EXD3: variants seen among roughly 807,000 people sequenced by gnomAD.
EXD3 encodes the protein exonuclease 3'-5' domain containing 3.
EXD3 carries 92 observed loss-of-function variants against 98.0 expected under a neutral mutation model. That is an observed-to-expected ratio of 0.94 (90% confidence interval 0.79 to 1.12). The LOEUF is 1.12. Ranked by LOEUF, EXD3 falls within the 50% of genes most tolerant of loss-of-function variation. EXD3 has a pLI of 0.00. For synonymous variants in EXD3, 569 were observed against 526.0 expected, an observed-to-expected ratio of 1.08 and a Z score of -1.12; for missense variants, 1,222 against 1,191.6, an observed-to-expected ratio of 1.03 and a Z score of -0.38.
chr9:137,394,859 A>C (rs1216642914), intron 2 of EXD3, among the ~76,000 whole-genome samples: 1 of 152,048 alleles, frequency 6.6e-6, no homozygotes, highest in Admixed American at 6.5e-5. Context: ...CCTGGAGGCC[A>C]CCCTGGAACC....
intron 17 of EXD3, among the ~76,000 whole-genome samples, chr9:137,326,290 G>A (rs997377252): frequency 4.6e-5 from 7 of 152,164 alleles, no homozygotes; most frequent in African/African-American, 9.7e-5. Context: ...TGCAAATCAC[G>A]TATCTGACGA....
At chr9:137,307,771 A>T in intron 20 of EXD3, 125 bp from the exon 21 acceptor site, 1 of 1,048,230 alleles carries the variant, frequency 9.5e-7, no homozygotes, top group South Asian at 1.5e-5. Flanking sequence ...CTCTTCACAC[A>T]CCCCCCAGCC....
chr9:137,353,609 G>A (rs746508859), intron 10 of EXD3: 31 of 985,926 alleles, frequency 3.1e-5, no homozygotes, highest in African/African-American at 3.5e-5. Flanking sequence ...CGCAGCCACC[G>A]TGGCAGCGCC....
At chr9:137,308,747 C>T (rs1465699647) in intron 20 of EXD3, among the ~76,000 whole-genome samples, 1 of 151,718 alleles carries the variant, frequency 6.6e-6, no homozygotes, top group Non-Finnish European at 1.5e-5. Flanking sequence ...AGTGATTCTC[C>T]TGCCTCAGCC....
At position 137,371,005 on chromosome 9, in the gene EXD3, C is replaced by T. The variant is rs9696899; in HGVS notation, c.462+1900G>A. Among the ~76,000 whole-genome samples, 8 of 152,186 alleles carry T rather than the reference C, an allele frequency of 5.3e-5. No homozygotes were observed. The highest frequency in any genetic ancestry group is 4.6e-4 in the Admixed American group (7 of 15,290). Reference sequence around the variant, plus strand: ...GAATGCGGCCTCTTTCGGCCGGGCGCGGCGGTGAGCAGTGGAGCATGCATC... The same window carrying T: ...GAATGCGGCCTCTTTCGGCCGGGCGTGGCGGTGAGCAGTGGAGCATGCATC... On this transcript the variant is annotated intron_variant, in intron 5 of 21. Transcript: ENST00000340951. This position sits in a 1 kb window ranked among gnomAD's most constrained non-coding sequence, Gnocchi z 8.0.
intron 7 of EXD3, chr9:137,366,251 G>A (rs554740711): frequency 2.3e-5 from 16 of 707,536 alleles, no homozygotes; most frequent in Admixed American, 8.0e-5. Context: ...AATTATTTTC[G>A]TTCTTCTAAG....
chr9:137,324,016 TG>T lies in EXD3; in HGVS notation c.2052+73del. 1.3e-6 allele frequency: 2 copies of T among 1,537,700 alleles called. No homozygotes were observed. The highest frequency in any genetic ancestry group is 1.8e-6 in the Non-Finnish European group (2 of 1,136,230). On this transcript the variant is annotated intron_variant, in intron 18 of 21. Transcript: ENST00000340951. The surrounding 1 kb of genome is among the most constrained non-coding windows in gnomAD (Gnocchi z 4.1). ...GCCCCACGGCAAGCTGACCCTGAGG[TG>T]GGGGTGGCCGAGGGGCTGGGGGCTT... is the stretch of plus-strand genomic sequence containing the variant.
rs547955776 is a variant in EXD3 at position 137,347,431 on chromosome 9, G to A, written c.1998+640C>T. On this transcript the variant is annotated intron_variant, in intron 17 of 21. Transcript: ENST00000340951. The surrounding 1 kb of genome is among the most constrained non-coding windows in gnomAD (Gnocchi z 4.2). The stretch of plus-strand genomic sequence containing the variant: ...TGCTTTGAATCTCTCTGTCTTCTGT[G>A]TTCCATTCCTGCTTTTTTTCTTTTT... Among the ~76,000 whole-genome samples the A allele has an allele frequency of 6.6e-6, 1 of 151,692 alleles. No individual in the cohort carries two copies. The highest frequency in any genetic ancestry group is 2.4e-5 in the African/African-American group (1 of 41,268).
chr9:137,385,143 T>C lies in EXD3; in HGVS notation c.56-1766A>G, dbSNP rs1035329585. Among the ~76,000 whole-genome samples the C allele has an allele frequency of 6.6e-6, 1 of 152,218 alleles. No individual in the cohort carries two copies. Among genetic ancestry groups the C allele is most frequent in the African/African-American group, 2.4e-5 (1 of 41,472 alleles). On this transcript the variant is annotated intron_variant, in intron 2 of 21. Coordinates refer to ENST00000340951, the MANE Select transcript of EXD3 (RefSeq NM_017820.5). This position sits in a 1 kb window ranked among gnomAD's most constrained non-coding sequence, Gnocchi z 4.4. Reference sequence around the variant, plus strand: ...ACCGTGGGGCGCCCAGGCTCCACCATGGCGTCTCTGCAGCCACCTGGGCCT... The same window carrying C: ...ACCGTGGGGCGCCCAGGCTCCACCACGGCGTCTCTGCAGCCACCTGGGCCT...
At chr9:137,337,835 T>C (rs1833441827) in intron 17 of EXD3, among the ~76,000 whole-genome samples, 1 of 151,236 alleles carries the variant, frequency 6.6e-6, no homozygotes, top group Admixed American at 6.6e-5. Flanking sequence ...TTGCCCAGGC[T>C]GGAGTGCAGT....
chr9:137,355,520 A>AGGAGGAAGGAGGAAG (rs1834637977), intron 8 of EXD3, among the ~76,000 whole-genome samples: 2 of 37,702 alleles, frequency 5.3e-5, no homozygotes, highest in Non-Finnish European at 9.9e-5. Context: ...GGAAGGAGGA[A>AGGAGGAAGGAGGAAG]GGAGGATGGA....
intron 17 of EXD3, among the ~76,000 whole-genome samples, chr9:137,337,391 A>G (rs938150976): frequency 2.0e-5 from 3 of 152,130 alleles, no homozygotes; most frequent in East Asian, 1.9e-4. Context: ...GGTGGCTCAC[A>G]CCTATAATCC....
Position 137,329,658 on chromosome 9 carries a change from T to C in EXD3, c.1999-5515A>G, listed in dbSNP as rs374951307. On this transcript the variant is annotated intron_variant, in intron 17 of 21. Transcript: ENST00000340951. ...GGGACTACACGGGACTACACGGGGC[T>C]ACACGGGACTACACGGGACTACACG... Among the ~76,000 whole-genome samples the C allele has an allele frequency of 8.9e-5, 4 of 44,906 alleles. 1 individual carries two copies. Among genetic ancestry groups the C allele is most frequent in the African/African-American group, 3.2e-4 (3 of 9,412 alleles). 29.5% of individuals were successfully genotyped at this position (44,906 alleles called of 152,430 possible).
At chr9:137,326,003 C>T (rs1017898061) in intron 17 of EXD3, among the ~76,000 whole-genome samples, 11 of 149,150 alleles carry the variant, frequency 7.4e-5, no homozygotes, top group South Asian at 2.2e-4. Flanking sequence ...TCACCTGAGC[C>T]GGGAGGTCAA....
Position 137,324,082 on chromosome 9 carries a change from A to C in EXD3, c.2052+8T>G. On this transcript the variant is annotated splice_region_variant and intron_variant, in intron 18 of 21. Coordinates refer to ENST00000340951, the MANE Select transcript of EXD3 (RefSeq NM_017820.5). The surrounding 1 kb of genome is among the most constrained non-coding windows in gnomAD (Gnocchi z 4.1). Reference sequence around the variant, plus strand: ...CAGGCCCACTGAGCTTATCTTTGGGACACTCACCTTGTGGAATGGCTGCCC... The same window carrying C: ...CAGGCCCACTGAGCTTATCTTTGGGCCACTCACCTTGTGGAATGGCTGCCC... 3.2e-6 allele frequency: 5 copies of C among 1,583,742 alleles called. No individual in the cohort carries two copies. The highest frequency in any genetic ancestry group is 4.3e-6 in the Non-Finnish European group (5 of 1,165,776).
rs551732110 is a variant in EXD3, at chr9:137,376,036, T to C, written c.121-2437A>G. On this transcript the variant is annotated intron_variant, in intron 3 of 21. Transcript: ENST00000340951. ...CTTTCCTCCTTTCCCCACTTCTTAC[T>C]TATTTCTTTAGAAATGCAATGATAG... is the stretch of plus-strand genomic sequence containing the variant. 1.9e-4 allele frequency among the ~76,000 whole-genome samples: 29 copies of C among 152,236 alleles called. 1 individual carries two copies. The highest frequency in any genetic ancestry group is 7.0e-4 in the African/African-American group (29 of 41,546).
chr9:137,323,954 C>G, intron 18 of EXD3, 98 bp from the exon 19 acceptor site: 3 of 1,527,998 alleles, frequency 2.0e-6, no homozygotes, highest in Non-Finnish European at 2.6e-6. Context: ...AGCCTTCTCT[C>G]GGCCCACCAG....
At chr9:137,316,765 T>A (rs1367416157) in intron 19 of EXD3, among the ~76,000 whole-genome samples, 2 of 151,984 alleles carry the variant, frequency 1.3e-5, no homozygotes, top group Admixed American at 6.5e-5. Flanking sequence ...GGGCTGAGTC[T>A]AAGAGGAGGC....
chr9:137,351,218 C>T (rs528788626), intron 13 of EXD3, 71 bp from the exon 14 acceptor site: 20 of 1,528,860 alleles, frequency 1.3e-5, no homozygotes, highest in Non-Finnish European at 1.7e-5. Context: ...CCCCAGGGTG[C>T]ACCCAGCACC....
Sources: gnomAD v4.1 joint callset for allele counts (sites outside exome capture counted in the v4.1 genomes callset) on GRCh38, gnomAD v4.1.1 for gene constraint, Gnocchi (gnomAD v3.1) non-coding constraint, MANE v1.5 for transcripts, NCBI Gene and HGNC (gene_info 2026-07-23, HGNC 2026-07-21) for gene names.